BRINP3: variants seen among roughly 807,000 people sequenced by gnomAD.
The protein encoded by BRINP3 is BMP/retinoic acid-inducible neural-specific protein 3.
In BRINP3, 19 loss-of-function variants were observed where a neutral mutation model predicts 71.0. The observed-to-expected ratio is 0.27, with a 90% confidence interval of 0.19 to 0.39. BRINP3 has a LOEUF of 0.39. BRINP3 is among the 10% of genes least tolerant of loss of function. BRINP3 has a pLI of 1.00. For missense variants in BRINP3, 959 were observed against 940.8 expected (o/e 1.02, Z -0.25); for synonymous variants, 380 against 337.7 (o/e 1.13, Z -1.37).
chr1:190,404,606 G>A (rs1269098720), intron 2 of BRINP3, among the ~76,000 whole-genome samples: 1 of 152,118 alleles, frequency 6.6e-6, no homozygotes, highest in East Asian at 1.9e-4. Flanking sequence ...CCTTACATTT[G>A]CAAAGCACTT....
rs182925798 is a variant in BRINP3 at position 190,434,844 on chromosome 1, G to A, written c.236+19811C>T. 3.0e-3 allele frequency among the ~76,000 whole-genome samples: 461 copies of A among 152,152 alleles called. 3 individuals carry two copies. The highest frequency in any genetic ancestry group is 3.6e-3 in the Non-Finnish European group (244 of 67,972). ...AACGTGTTAAATATTTGCAAAGTTT[G>A]TTCAATTTGATGGGCTTCCTTCCAT... On this transcript the variant is annotated intron_variant, in intron 2 of 7. Transcript: ENST00000367462.
At chr1:190,413,163 A>G (rs1052944730) in intron 2 of BRINP3, among the ~76,000 whole-genome samples, 7 of 152,056 alleles carry the variant, frequency 4.6e-5, no homozygotes, top group Non-Finnish European at 8.8e-5. Flanking sequence ...GAAGGTGTGC[A>G]TGTGTGTGTC....
chr1:190,466,967 G>A (rs1426454634), intron 1 of BRINP3, among the ~76,000 whole-genome samples: 3 of 151,066 alleles, frequency 2.0e-5, no homozygotes, highest in African/African-American at 7.3e-5. Context: ...AAAACACAAC[G>A]AACACAACAA....
chr1:190,257,200 T>A (rs1389743834), intron 4 of BRINP3, among the ~76,000 whole-genome samples: 1 of 152,198 alleles, frequency 6.6e-6, no homozygotes, highest in African/African-American at 2.4e-5. Context: ...TACTCTTTTT[T>A]CTCTAAACTT....
chr1:190,415,338 T>C (rs988985952), intron 2 of BRINP3, among the ~76,000 whole-genome samples: 1 of 152,160 alleles, frequency 6.6e-6, no homozygotes, highest in Non-Finnish European at 1.5e-5. Context: ...AGAAGCATGA[T>C]AAAACAAGGA....
chr1:190,402,314 A>C (rs1348712607), intron 2 of BRINP3, among the ~76,000 whole-genome samples: 2 of 152,192 alleles, frequency 1.3e-5, no homozygotes, highest in African/African-American at 4.8e-5. Flanking sequence ...CATCTTCAAA[A>C]TTATAGAAAT....
At chr1:190,388,725 A>C (rs1267176912) in intron 2 of BRINP3, among the ~76,000 whole-genome samples, 3 of 151,870 alleles carry the variant, frequency 2.0e-5, no homozygotes, top group Admixed American at 6.6e-5. Context: ...AATTTATTAC[A>C]ACATCTCTAA....
intron 1 of BRINP3, chr1:190,475,875 C>A (rs1243309015): frequency 6.6e-6 from 1 of 151,636 alleles, no homozygotes; most frequent in African/African-American, 2.4e-5. Context: ...CCTTGCGCAA[C>A]AACAGCAGTC....
At chr1:190,243,113 TAC>T (rs1191045899) in intron 4 of BRINP3, among the ~76,000 whole-genome samples, 1 of 152,094 alleles carries the variant, frequency 6.6e-6, no homozygotes, top group Non-Finnish European at 1.5e-5. Flanking sequence ...AATATAAAAC[TAC>T]ACAGTGACTA....
chr1:190,355,291 A>T (rs1017925848), intron 2 of BRINP3, among the ~76,000 whole-genome samples: 1 of 151,884 alleles, frequency 6.6e-6, no homozygotes, highest in Admixed American at 6.6e-5. Context: ...GAATGCACAG[A>T]ATCACTTACA....
chr1:190,353,686 C>T lies in BRINP3; in HGVS notation c.237-71936G>A, dbSNP rs146284356. 9.3e-4 allele frequency among the ~76,000 whole-genome samples: 142 copies of T among 152,078 alleles called. 1 individual carries two copies. The highest frequency in any genetic ancestry group is 1.5e-3 in the Non-Finnish European group (105 of 67,910). ...CTCTTTAAAAAGGAAGTGGATGACA[C>T]ACCACCAATCATTAGTAATCCTTCC... is the stretch of plus-strand genomic sequence containing the variant. On this transcript the variant is annotated intron_variant, in intron 2 of 7. Coordinates refer to ENST00000367462, the MANE Select transcript of BRINP3 (RefSeq NM_199051.3).
At chr1:190,110,442 A>G (rs1557974900) in intron 7 of BRINP3, among the ~76,000 whole-genome samples, 1 of 152,230 alleles carries the variant, frequency 6.6e-6, no homozygotes, top group Admixed American at 6.5e-5. Flanking sequence ...CTTTGGAAAA[A>G]AATGTGAGCT....
intron 7 of BRINP3, among the ~76,000 whole-genome samples, chr1:190,123,133 C>T (rs1653818858): frequency 6.6e-6 from 1 of 152,122 alleles, no homozygotes; most frequent in South Asian, 2.1e-4. Flanking sequence ...GTTCGCCCCC[C>T]TCGAGGAGGG....
chr1:190,164,447 C>T (rs967131768), intron 6 of BRINP3, among the ~76,000 whole-genome samples: 6 of 151,936 alleles, frequency 3.9e-5, no homozygotes, highest in Non-Finnish European at 8.8e-5. Context: ...CTTGTGCTTG[C>T]TTTTATGATT....
At chr1:190,326,944 A>G (rs1361962965) in intron 2 of BRINP3, among the ~76,000 whole-genome samples, 1 of 151,884 alleles carries the variant, frequency 6.6e-6, no homozygotes, top group African/African-American at 2.4e-5. Context: ...TCAAAACCTC[A>G]CATATCAGTA....
At chr1:190,412,456 G>GTTTTTTTTTTTTT in intron 2 of BRINP3, among the ~76,000 whole-genome samples, 1 of 119,372 alleles carries the variant, frequency 8.4e-6, no homozygotes, top group Non-Finnish European at 1.8e-5. Context: ...GTTTTGTTTT[G>GTTTTTTTTTTTTT]TTTTTTTTTG....
chr1:190,170,148 T>G (rs1227422199), intron 6 of BRINP3, among the ~76,000 whole-genome samples: 1 of 152,152 alleles, frequency 6.6e-6, no homozygotes, highest in Non-Finnish European at 1.5e-5. Flanking sequence ...TATTATCATA[T>G]TCAATCTCAT....
intron 7 of BRINP3, among the ~76,000 whole-genome samples, chr1:190,125,685 T>G (rs957867367): frequency 6.6e-6 from 1 of 152,030 alleles, no homozygotes; most frequent in East Asian, 1.9e-4. Flanking sequence ...ATAGTCATCT[T>G]CCTTCCTTTG....
At chr1:190,446,127 T>C (rs1476227412) in intron 2 of BRINP3, among the ~76,000 whole-genome samples, 1 of 152,092 alleles carries the variant, frequency 6.6e-6, no homozygotes, top group African/African-American at 2.4e-5. Context: ...ATATTATTTC[T>C]GGCTGAAATT....
Sources: allele counts gnomAD v4.1 joint callset (sites outside exome capture counted in the v4.1 genomes callset), GRCh38; gene constraint gnomAD v4.1.1; transcripts MANE v1.5; gene names NCBI Gene and HGNC (gene_info 2026-07-23, HGNC 2026-07-21).